The following NEBL variants were observed in gnomAD, a reference collection of about 807,000 sequenced individuals.
The protein encoded by NEBL is nebulette, also known as LIM and SH3 protein 2.
NEBL carries 122 observed loss-of-function variants against 140.2 expected under a neutral mutation model. That is an observed-to-expected ratio of 0.87 (90% confidence interval 0.75 to 1.01). NEBL has a LOEUF of 1.01. NEBL is among the 50% of genes least tolerant of loss of function. The pLI is 0.00. For missense variants in NEBL, 1,365 were observed against 1,231.3 expected (o/e 1.11, Z -1.62); for synonymous variants, 436 against 398.9 (o/e 1.09, Z -1.11).
intron 2 of NEBL, among the ~76,000 whole-genome samples, chr10:20,894,423 C>A (rs542385026): frequency 1.3e-5 from 2 of 150,160 alleles, no homozygotes; most frequent in African/African-American, 4.9e-5. Context: ...CAGTGAGCTG[C>A]AGTCACATGA....
chr10:21,210,803 C>T (rs189613339), intron 3 of NEBL, among the ~76,000 whole-genome samples: 102 of 152,312 alleles, frequency 6.7e-4, no homozygotes, highest in Admixed American at 5.0e-3. Flanking sequence ...CTATTCTCAA[C>T]ATGTGACTGT....
intron 2 of NEBL, among the ~76,000 whole-genome samples, 184 bp from the exon 3 acceptor site, chr10:20,890,133 C>T (rs572718266): frequency 6.6e-6 from 1 of 152,234 alleles, no homozygotes; most frequent in East Asian, 1.9e-4. Context: ...GATGATGAGG[C>T]ATAGTGAGGA....
At chr10:20,814,445 T>TA (rs748702906) in intron 22 of NEBL, among the ~76,000 whole-genome samples, 1,975 of 139,112 alleles carry the variant, frequency 0.014, 26 homozygotes, top group African/African-American at 0.046. Flanking sequence ...AGGTAAAAAT[T>TA]AAAAAAAAAA....
chr10:21,069,944 A>G (rs903901990), intron 2 of NEBL: 5 of 455,742 alleles, frequency 1.1e-5, no homozygotes, highest in African/African-American at 6.0e-5. Context: ...ATCCCCTATC[A>G]TGTACTTACA....
At chr10:20,921,794 C>CACAT (rs1554806887) in intron 4 of NEBL, among the ~76,000 whole-genome samples, 3 of 151,748 alleles carry the variant, frequency 2.0e-5, no homozygotes, top group African/African-American at 4.9e-5. Flanking sequence ...CACACACACA[C>CACAT]ATATGTATAC....
intron 12 of NEBL, 22 bp from the exon 13 acceptor site, chr10:20,840,871 G>T: frequency 7.4e-7 from 1 of 1,350,176 alleles, no homozygotes; most frequent in Non-Finnish European, 1.1e-6. Flanking sequence ...GAATATCACA[G>T]TTCAAAACTT....
intron 1 of NEBL, among the ~76,000 whole-genome samples, chr10:21,287,132 G>A (rs540023472): frequency 1.3e-5 from 2 of 152,244 alleles, no homozygotes; most frequent in African/African-American, 2.4e-5. Context: ...AGCAAGTACC[G>A]GCATCCATCA....
At chr10:21,093,304 T>C (rs1837012625) in intron 2 of NEBL, among the ~76,000 whole-genome samples, 1 of 152,030 alleles carries the variant, frequency 6.6e-6, no homozygotes, top group Admixed American at 6.6e-5. Context: ...CCAGAAGCAT[T>C]GGACGCATTT....
chr10:21,263,240 C>T (rs964004264), intron 1 of NEBL, among the ~76,000 whole-genome samples: 1 of 152,148 alleles, frequency 6.6e-6, no homozygotes, highest in African/African-American at 2.4e-5. Context: ...CTGCTCACTG[C>T]ATCACAGCCA....
At chr10:21,016,939 C>T (rs1335224431) in intron 3 of NEBL, among the ~76,000 whole-genome samples, 1 of 152,198 alleles carries the variant, frequency 6.6e-6, no homozygotes, top group Non-Finnish European at 1.5e-5. Context: ...ATGACTTCTT[C>T]CTACTTATAC....
At chr10:21,081,011 C>A (rs939868109) in intron 2 of NEBL, among the ~76,000 whole-genome samples, 1 of 152,064 alleles carries the variant, frequency 6.6e-6, no homozygotes, top group Non-Finnish European at 1.5e-5. Flanking sequence ...TGCACCACCA[C>A]GCCTAGCTAA....
Position 21,117,483 on chromosome 10 carries a change from G to T in NEBL, c.164+54900C>A, listed in dbSNP as rs1351621949. The stretch of plus-strand genomic sequence containing the variant: ...CTCCTCAACTTAGGGTAATTCCTGG[G>T]CTCTGTTATATGTCTAGGAATATAA... On this transcript the variant is annotated intron_variant, in intron 2 of 6. Coordinates refer to the NEBL transcript ENST00000417816. Among the ~76,000 whole-genome samples, 3 of 152,130 alleles carry T rather than the reference G, an allele frequency of 2.0e-5. 1 individual carries two copies. Among genetic ancestry groups the T allele is most frequent in the Non-Finnish European group, 1.5e-5 (1 of 67,990 alleles).
rs376955202 is a variant in NEBL at position 20,867,190 on chromosome 10, C to A, written c.684+1474G>T. On this transcript the variant is annotated intron_variant, in intron 7 of 27. Transcript: ENST00000377122. Reference sequence around the variant, plus strand: ...TTTCATTTCATTTAAATTTTTTAAACCCTCTTTTTGGATTGCAATTGGAAT... The same window carrying A: ...TTTCATTTCATTTAAATTTTTTAAAACCTCTTTTTGGATTGCAATTGGAAT... 4.6e-5 allele frequency among the ~76,000 whole-genome samples: 7 copies of A among 152,056 alleles called. No individual in the cohort carries two copies. The East Asian group carries it at 1.4e-3, about 29-fold the overall frequency.
intron 3 of NEBL, among the ~76,000 whole-genome samples, chr10:21,214,156 A>G (rs1213829603): frequency 6.6e-6 from 1 of 151,336 alleles, no homozygotes; most frequent in African/African-American, 2.4e-5. Context: ...TATAATATAT[A>G]TGTATAAGTA....
At chr10:20,961,090 C>T (rs912855474) in intron 4 of NEBL, among the ~76,000 whole-genome samples, 10 of 152,118 alleles carry the variant, frequency 6.6e-5, no homozygotes, top group Non-Finnish European at 1.3e-4. Context: ...AGCTGTTTAT[C>T]CACCTTTAAT....
At chr10:21,101,310 C>G (rs1489471328) in intron 2 of NEBL, among the ~76,000 whole-genome samples, 2 of 152,238 alleles carry the variant, frequency 1.3e-5, no homozygotes, top group Admixed American at 1.3e-4. Context: ...ATTCTCAGTT[C>G]TTCCAAGGTA....
intron 20 of NEBL, among the ~76,000 whole-genome samples, chr10:20,818,089 T>A (rs1214797511): frequency 3.3e-5 from 5 of 152,168 alleles, no homozygotes; most frequent in Non-Finnish European, 7.4e-5. Context: ...GGCTTCTCCC[T>A]TCAATAGAAG....
Position 20,981,501 on chromosome 10 carries a change from C to G in NEBL, c.250-19722G>C, listed in dbSNP as rs367927974. On this transcript the variant is annotated intron_variant, in intron 3 of 6. Coordinates refer to the NEBL transcript ENST00000417816. Reference sequence around the variant, plus strand: ...TGGTCAGCATTTGTCATTCCTTGAGCAGTCAGCAACCTACATCCCTTCTTT... The same window carrying G: ...TGGTCAGCATTTGTCATTCCTTGAGGAGTCAGCAACCTACATCCCTTCTTT... Among the ~76,000 whole-genome samples the G allele has an allele frequency of 3.8e-4, 58 of 152,278 alleles. 2 individuals carry two copies. The South Asian group carries it at 0.012, about 32-fold the overall frequency.
chr10:21,056,316 G>T (rs1428713476), intron 2 of NEBL, among the ~76,000 whole-genome samples: 4 of 152,158 alleles, frequency 2.6e-5, no homozygotes, highest in African/African-American at 4.8e-5. Context: ...AGAGAATGGG[G>T]AAACTTATTC....
Sources: gnomAD v4.1 joint callset for allele counts (sites outside exome capture counted in the v4.1 genomes callset) on GRCh38, gnomAD v4.1.1 for gene constraint, MANE v1.5 for transcripts, NCBI Gene and HGNC (gene_info 2026-07-23, HGNC 2026-07-21) for gene names.